Variants in ZC2HC1A observed in about 807,000 individuals in gnomAD.
ZC2HC1A encodes the protein zinc finger C2HC domain-containing protein 1A.
ZC2HC1A carries 28 observed loss-of-function variants against 40.7 expected under a neutral mutation model. The observed-to-expected ratio is 0.69, with a 90% CI of 0.51 to 0.94. The LOEUF is 0.94. ZC2HC1A is among the 40% of genes least tolerant of loss of function. The pLI is 0.00. For synonymous variants in ZC2HC1A, 129 were observed against 129.2 expected (o/e 1.00, Z 0.01); for missense variants, 389 against 386.3 (o/e 1.01, Z -0.06).
At position 78,717,575 on chromosome 8, in the gene ZC2HC1A, T is replaced by C; in HGVS notation, c.*82T>C. 7.1e-7 allele frequency: 1 copy of C among 1,415,718 alleles called. No individual in the cohort carries two copies. Among genetic ancestry groups the C allele is most frequent in the Non-Finnish European group, 9.5e-7 (1 of 1,055,980 alleles). 87.7% of individuals were successfully genotyped at this position (1,415,718 alleles called of 1,614,324 possible). A position where few individuals can be genotyped will look rare whatever the true frequency, so the allele number is the denominator to read the frequency against. On this transcript the variant is annotated 3_prime_UTR_variant, in exon 9 of 9. Transcript: ENST00000263849. ...GGACAGCTAGAGCACATCCTCTAGT[T>C]AGTTTGTGCTAAAAATACTCGAAAT...
chr8:78,686,633 A>T (rs373007696), intron 4 of ZC2HC1A, 25 bp downstream of exon 4: 1 of 1,447,694 alleles, frequency 6.9e-7, no homozygotes, highest in South Asian at 1.7e-5. Context: ...GTTGACAGAA[A>T]TGTTCATGTG....
At chr8:78,684,732 G>A (rs565142985) in intron 3 of ZC2HC1A, among the ~76,000 whole-genome samples, 2 of 152,206 alleles carry the variant, frequency 1.3e-5, no homozygotes, top group South Asian at 2.1e-4. Context: ...TTGAGACATA[G>A]CAATGAGGAA....
rs1284277690 is a variant in ZC2HC1A, at chr8:78,686,463, A to G, written c.211-4A>G. On this transcript the variant is annotated splice_polypyrimidine_tract_variant and splice_region_variant and intron_variant, in intron 3 of 8. Coordinates refer to ENST00000263849, the MANE Select transcript of ZC2HC1A (RefSeq NM_016010.3). ...TATTTATTTATTTATTTATTTATTT[A>G]TAGCCAGAACCACCAAAGAAACCAT... The G allele has an allele frequency of 2.2e-6, 3 of 1,364,506 alleles. No individual in the cohort carries two copies. Among genetic ancestry groups the G allele is most frequent in the Non-Finnish European group, 1.9e-6 (2 of 1,040,098 alleles). 84.5% of individuals were successfully genotyped at this position (1,364,506 alleles called of 1,614,324 possible).
chr8:78,686,711 T>C, intron 4 of ZC2HC1A, 103 bp downstream of exon 4: 1 of 1,211,920 alleles, frequency 8.3e-7, no homozygotes, highest in Non-Finnish European at 1.1e-6. Flanking sequence ...TCATGGAGTG[T>C]TATGAGGCAT....
chr8:78,666,140 G>C lies in ZC2HC1A; in HGVS notation c.-9G>C. On this transcript the variant is annotated 5_prime_UTR_variant, in exon 1 of 9. Transcript: ENST00000263849. ...GAAGGAGTCTCGCTGAGCTCGAGGA[G>C]GTGGCGCGATGGAGGGACTGGAAGG... 1 of 1,571,164 alleles carries C rather than the reference G, an allele frequency of 6.4e-7. No individual in the cohort carries two copies. The highest frequency in any genetic ancestry group is 1.2e-5 in the South Asian group (1 of 85,364).
intron 1 of ZC2HC1A, among the ~76,000 whole-genome samples, chr8:78,671,947 T>C (rs1809446928): frequency 6.6e-6 from 1 of 152,294 alleles, no homozygotes; most frequent in South Asian, 2.1e-4. Context: ...TACCGTACGT[T>C]ACAGATAAAA....
chr8:78,684,846 TA>T lies in ZC2HC1A; in HGVS notation c.211-1616del, dbSNP rs749192851. ...AAAGTAAAAAAATACTACTGAAAGA[TA>T]AAAATGAACTGTTTTTCAAATAGAA... On this transcript the variant is annotated intron_variant, in intron 3 of 8. Transcript: ENST00000263849. 2.3e-4 allele frequency among the ~76,000 whole-genome samples: 35 copies of T among 152,260 alleles called. 1 individual carries two copies. The East Asian group carries it at 2.3e-3, about 10-fold the overall frequency.
chr8:78,677,648 C>CT (rs76888359), intron 2 of ZC2HC1A, among the ~76,000 whole-genome samples: 70 of 148,060 alleles, frequency 4.7e-4, no homozygotes, highest in Admixed American at 1.2e-3. Context: ...TTAGTGGAGA[C>CT]TTTTTTTTTT....
At chr8:78,689,785 CT>C (rs1810149066) in intron 5 of ZC2HC1A, among the ~76,000 whole-genome samples, 1 of 152,034 alleles carries the variant, frequency 6.6e-6, no homozygotes, top group East Asian at 1.9e-4. Context: ...TTAAGGATGT[CT>C]TTTGAGGGGC....
In ZC2HC1A at chr8:78,705,701, A is replaced by G. The variant is rs558001077; in HGVS notation, c.704+7188A>G. Among the ~76,000 whole-genome samples, 6 of 152,270 alleles carry G rather than the reference A, an allele frequency of 3.9e-5. No individual in the cohort carries two copies. In the East Asian group the frequency reaches 1.2e-3, roughly 29 times the overall value. On this transcript the variant is annotated intron_variant, in intron 7 of 8. Coordinates refer to ENST00000263849, the MANE Select transcript of ZC2HC1A (RefSeq NM_016010.3). ...CTGCTAAGTTGCCCAAACAGCAAAG[A>G]TGATGGCCTGCACACCCTGTGGGAG...
intron 7 of ZC2HC1A, among the ~76,000 whole-genome samples, chr8:78,708,713 TC>T (rs1810862698): frequency 6.7e-6 from 1 of 150,348 alleles, no homozygotes; most frequent in East Asian, 2.0e-4. Flanking sequence ...GGAGTTTTGC[TC>T]TTGTTGCCCA....
intron 1 of ZC2HC1A, among the ~76,000 whole-genome samples, chr8:78,672,185 T>TGAGGC (rs1809452091): frequency 1.3e-5 from 2 of 152,260 alleles, no homozygotes; most frequent in South Asian, 4.1e-4. Context: ...GCCTAAGGTA[T>TGAGGC]TTATCATGAT....
intron 7 of ZC2HC1A, among the ~76,000 whole-genome samples, chr8:78,708,153 T>TGA (rs1374231433): frequency 1.3e-5 from 2 of 152,222 alleles, no homozygotes; most frequent in African/African-American, 4.8e-5. Context: ...GAGTAAAGGT[T>TGA]GAATTAAGAC....
chr8:78,700,519 A>G (rs2130557965), intron 7 of ZC2HC1A, among the ~76,000 whole-genome samples: 1 of 152,200 alleles, frequency 6.6e-6, no homozygotes, highest in East Asian at 1.9e-4. Context: ...ATTACAGCCC[A>G]TTTGTCAATT....
chr8:78,715,487 C>A (rs549495316), intron 8 of ZC2HC1A, among the ~76,000 whole-genome samples, 159 bp downstream of exon 8: 1 of 152,212 alleles, frequency 6.6e-6, no homozygotes, highest in East Asian at 1.9e-4. Context: ...TGGATTTGGG[C>A]AAAGTAAACT....
chr8:78,669,406 G>A (rs1028672815), intron 1 of ZC2HC1A, among the ~76,000 whole-genome samples: 17 of 152,220 alleles, frequency 1.1e-4, no homozygotes, highest in Middle Eastern at 3.4e-3. Flanking sequence ...TAGTGCATAG[G>A]AGGCCCTCTC....
intron 1 of ZC2HC1A, among the ~76,000 whole-genome samples, chr8:78,674,033 A>G (rs1160545374): frequency 6.6e-6 from 1 of 152,128 alleles, no homozygotes; most frequent in Non-Finnish European, 1.5e-5. Context: ...ATTATATGGT[A>G]ATATTTGGTT....
rs1265780837 is a variant in ZC2HC1A at position 78,719,379 on chromosome 8, T to C, written c.*1886T>C. The C allele has an allele frequency of 6.6e-6, 1 of 151,752 alleles. No homozygotes were observed. Among genetic ancestry groups the C allele is most frequent in the Non-Finnish European group, 1.5e-5 (1 of 67,674 alleles). The allele number at this position is 151,752 out of a possible 1,614,324, so 9.4% of individuals were successfully genotyped here. Reference sequence around the variant, plus strand: ...GGAGATGAGTTGGTAAGAAATCATCTAGTTCCAGAGCCCAGAGATTATAAA... The same window carrying C: ...GGAGATGAGTTGGTAAGAAATCATCCAGTTCCAGAGCCCAGAGATTATAAA... On this transcript the variant is annotated 3_prime_UTR_variant, in exon 9 of 9. Transcript: ENST00000263849.
intron 7 of ZC2HC1A, among the ~76,000 whole-genome samples, chr8:78,710,123 G>A (rs1810907013): frequency 6.6e-6 from 1 of 152,042 alleles, no homozygotes; most frequent in African/African-American, 2.4e-5. Context: ...TATTTTGAAG[G>A]CCTGTGAAAG....
Sources: gnomAD v4.1 joint callset for allele counts (sites outside exome capture counted in the v4.1 genomes callset) on GRCh38, gnomAD v4.1.1 for gene constraint, MANE v1.5 for transcripts, NCBI Gene and HGNC (gene_info 2026-07-23, HGNC 2026-07-21) for gene names.